Variants in EYS observed in about 807,000 individuals in gnomAD.
EYS encodes EGF-like photoreceptor maintenance factor, also known as protein eyes shut homolog.
EYS carries 250 observed loss-of-function variants against 282.1 expected under a neutral mutation model. The observed-to-expected ratio is 0.89, with a 90% CI of 0.80 to 0.98. The LOEUF (loss-of-function observed/expected upper bound fraction) is 0.98. Ranked by LOEUF, EYS falls within the 50% of genes least tolerant of loss-of-function variation. EYS has a pLI of 0.00. For missense variants in EYS, 4,016 were observed against 3,709.0 expected (o/e 1.08, Z -2.15); for synonymous variants, 1,355 against 1,282.9 (o/e 1.06, Z -1.20).
intron 22 of EYS, among the ~76,000 whole-genome samples, chr6:64,627,214 A>T (rs1445664637): frequency 6.6e-6 from 1 of 152,220 alleles, no homozygotes; most frequent in African/African-American, 2.4e-5. Context: ...GCCTTCAAGA[A>T]GCACTGAGCC....
intron 12 of EYS, among the ~76,000 whole-genome samples, chr6:65,061,754 T>C (rs1474811175): frequency 6.6e-6 from 1 of 151,956 alleles, no homozygotes; most frequent in Non-Finnish European, 1.5e-5. Flanking sequence ...TATTCCTCAA[T>C]TGCTTGCACC....
Position 64,039,603 on chromosome 6 carries a change from T to C in EYS, c.6725+26735A>G, listed in dbSNP as rs532923226. ...CAAATATACTGGTTACTAACTGGAATAAAATATGTGCTGCAGTCTTAAAAT... is the reference window on the plus strand; with the variant it reads ...CAAATATACTGGTTACTAACTGGAACAAAATATGTGCTGCAGTCTTAAAAT... On this transcript the variant is annotated intron_variant, in intron 33 of 42. Transcript: ENST00000503581. Among the ~76,000 whole-genome samples the C allele has an allele frequency of 1.2e-4, 18 of 152,300 alleles. 1 individual carries two copies. The South Asian group carries it at 3.3e-3, about 28-fold the overall frequency.
intron 22 of EYS, among the ~76,000 whole-genome samples, chr6:64,708,211 G>A (rs1771097537): frequency 6.6e-6 from 1 of 152,146 alleles, no homozygotes; most frequent in South Asian, 2.1e-4. Flanking sequence ...TAAATAATTG[G>A]TTGGTTTAAA....
intron 31 of EYS, among the ~76,000 whole-genome samples, chr6:64,130,062 G>C (rs558663137): frequency 6.6e-6 from 1 of 152,106 alleles, no homozygotes; most frequent in African/African-American, 2.4e-5. Flanking sequence ...GTCAGGTAGC[G>C]TGATGCCTCC....
At chr6:64,727,344 G>T (rs1268533346) in intron 22 of EYS, among the ~76,000 whole-genome samples, 4 of 151,952 alleles carry the variant, frequency 2.6e-5, no homozygotes, top group Non-Finnish European at 5.9e-5. Flanking sequence ...ATGGAATTCT[G>T]GTACTTAAAA....
intron 19 of EYS, among the ~76,000 whole-genome samples, 179 bp from the exon 20 acceptor site, chr6:64,823,001 C>A (rs1007219182): frequency 1.3e-5 from 2 of 151,842 alleles, no homozygotes; most frequent in African/African-American, 2.4e-5. Flanking sequence ...TATGAATGTT[C>A]AGATTACTAA....
intron 26 of EYS, among the ~76,000 whole-genome samples, chr6:64,566,244 A>G (rs1188707388): frequency 2.0e-5 from 3 of 152,198 alleles, no homozygotes; most frequent in Non-Finnish European, 4.4e-5. Flanking sequence ...AACAAAGTAT[A>G]CTATCTCTCT....
intron 19 of EYS, 59 bp downstream of exon 19, chr6:64,886,638 G>T (rs1317285825): frequency 7.3e-7 from 1 of 1,377,178 alleles, no homozygotes; most frequent in Non-Finnish European, 9.6e-7. Context: ...TAAATATGAG[G>T]TTTCTATTTG....
At chr6:65,391,923 C>G (rs1459006945) in intron 7 of EYS, among the ~76,000 whole-genome samples, 3 of 152,126 alleles carry the variant, frequency 2.0e-5, no homozygotes, top group Non-Finnish European at 4.4e-5. Flanking sequence ...TCAAACTATA[C>G]TACAAGGCTA....
At chr6:63,969,851 C>A (rs1053585049) in intron 35 of EYS, among the ~76,000 whole-genome samples, 3 of 152,202 alleles carry the variant, frequency 2.0e-5, no homozygotes, top group Non-Finnish European at 4.4e-5. Flanking sequence ...CTCTCTCTCT[C>A]TTGCAAGCTG....
intron 36 of EYS, among the ~76,000 whole-genome samples, chr6:63,810,315 C>T (rs183278657): frequency 7.5e-6 from 1 of 132,544 alleles, no homozygotes; most frequent in Non-Finnish European, 1.6e-5. Flanking sequence ...CCCCCCCCCC[C>T]AAAAAAACCT....
chr6:65,385,116 A>G (rs1282535712), intron 7 of EYS, among the ~76,000 whole-genome samples: 2 of 151,930 alleles, frequency 1.3e-5, no homozygotes, highest in Non-Finnish European at 2.9e-5. Flanking sequence ...TTTGTAGGAA[A>G]CAGTCCTGTG....
intron 11 of EYS, among the ~76,000 whole-genome samples, chr6:65,323,482 G>A (rs1276959117): frequency 2.0e-5 from 3 of 152,152 alleles, no homozygotes; most frequent in Admixed American, 1.3e-4. Context: ...ATAAAGTTTT[G>A]TGTAAGGTTG....
At chr6:65,164,592 T>G (rs905571476) in intron 12 of EYS, among the ~76,000 whole-genome samples, 55 of 151,462 alleles carry the variant, frequency 3.6e-4, no homozygotes, top group Middle Eastern at 3.4e-3. Flanking sequence ...TTTATTATCT[T>G]GAAACATATA....
intron 31 of EYS, among the ~76,000 whole-genome samples, chr6:64,230,068 C>A (rs959735181): frequency 3.9e-5 from 6 of 152,134 alleles, no homozygotes; most frequent in African/African-American, 9.7e-5. Flanking sequence ...TCTTAGGAGG[C>A]TATTAGATGT....
At chr6:65,193,253 C>A (rs996071995) in intron 12 of EYS, among the ~76,000 whole-genome samples, 1 of 151,808 alleles carries the variant, frequency 6.6e-6, no homozygotes, top group Non-Finnish European at 1.5e-5. Context: ...TAAGTAAATG[C>A]TCAGGTTCAC....
intron 22 of EYS, among the ~76,000 whole-genome samples, chr6:64,677,837 A>G (rs1769748261): frequency 6.6e-6 from 1 of 152,062 alleles, no homozygotes; most frequent in Non-Finnish European, 1.5e-5. Flanking sequence ...TTAAAAAGAG[A>G]AGGTAAAAAA....
intron 36 of EYS, among the ~76,000 whole-genome samples, chr6:63,852,775 T>C (rs1015533276): frequency 7.9e-5 from 12 of 152,134 alleles, no homozygotes; most frequent in Non-Finnish European, 1.0e-4. Context: ...ATCAAAAAGC[T>C]TATCTACCAC....
At chr6:64,994,635 C>T (rs1004222155) in intron 14 of EYS, among the ~76,000 whole-genome samples, 11 of 152,050 alleles carry the variant, frequency 7.2e-5, no homozygotes, top group South Asian at 2.1e-4. Flanking sequence ...AAATCCTTCA[C>T]ATTTTATGTT....
Sources: gnomAD v4.1 joint callset for allele counts (sites outside exome capture counted in the v4.1 genomes callset) on GRCh38, gnomAD v4.1.1 for gene constraint, MANE v1.5 for transcripts, NCBI Gene and HGNC (gene_info 2026-07-23, HGNC 2026-07-21) for gene names.